The following PDE6A variants were observed in gnomAD, a reference collection of about 807,000 sequenced individuals.
PDE6A encodes the protein phosphodiesterase 6A.
A neutral mutation model predicts 106.3 loss-of-function variants in PDE6A; 84 were observed. The ratio of observed to expected loss-of-function variants is 0.79; its 90% CI spans 0.66 to 0.95. The LOEUF is 0.95. Among genes scored for constraint, PDE6A ranks in the 40% least tolerant of loss-of-function variants. PDE6A has a pLI of 0.00. For missense variants in PDE6A, 1,052 were observed against 1,084.9 expected (o/e 0.97, Z 0.43); for synonymous variants, 394 against 386.6 (o/e 1.02, Z -0.23).
intron 8 of PDE6A, among the ~76,000 whole-genome samples, chr5:149,900,058 G>A (rs975783782): frequency 7.2e-5 from 11 of 151,778 alleles, no homozygotes; most frequent in Admixed American, 2.0e-4. Context: ...TCAATTATAA[G>A]ATGCCTTTGG....
chr5:149,913,397 A>G (rs893170425), intron 6 of PDE6A, among the ~76,000 whole-genome samples: 5 of 151,348 alleles, frequency 3.3e-5, no homozygotes, highest in South Asian at 2.1e-4. Flanking sequence ...AAAAAAAAAA[A>G]AGAGAATAGA....
intron 1 of PDE6A, among the ~76,000 whole-genome samples, chr5:149,943,920 G>T (rs1457206802): frequency 6.6e-6 from 1 of 152,144 alleles, no homozygotes; most frequent in African/African-American, 2.4e-5. Context: ...TCCCAAATGG[G>T]TCAGAGAAAA....
rs1301955819 is a variant in PDE6A at position 149,869,802 on chromosome 5, G to A, written c.2136-1644C>T. Among the ~76,000 whole-genome samples the A allele has an allele frequency of 3.3e-5, 5 of 152,188 alleles. No homozygotes were observed. In the East Asian group the frequency reaches 9.6e-4, roughly 29 times the overall value. ...GGCAGGAGAGCTGGTCTGCAGCAAC[G>A]GCTGGCTGCGGCGGGGTGAGACCAA... On this transcript the variant is annotated intron_variant, in intron 17 of 21. Transcript: ENST00000255266.
chr5:149,882,472 A>G (rs531300655), intron 17 of PDE6A, among the ~76,000 whole-genome samples: 12 of 152,084 alleles, frequency 7.9e-5, no homozygotes, highest in Non-Finnish European at 1.0e-4. Flanking sequence ...GAGCCAGGGG[A>G]CCATTTGGCT....
chr5:149,884,667 A>G, intron 15 of PDE6A, 88 bp from the exon 16 acceptor site: 1 of 1,417,678 alleles, frequency 7.1e-7, no homozygotes, highest in Non-Finnish European at 1.0e-6. Flanking sequence ...AGATGATGGC[A>G]GAGGCAGCCC....
At chr5:149,866,495 C>A in intron 19 of PDE6A, 1 of 482,218 alleles carries the variant, frequency 2.1e-6, no homozygotes, top group Non-Finnish European at 3.8e-6. Context: ...AAATAAATGG[C>A]ATACCAGAAA....
intron 7 of PDE6A, among the ~76,000 whole-genome samples, chr5:149,904,225 C>A (rs10045805): frequency 6.6e-6 from 1 of 152,008 alleles, no homozygotes; most frequent in Non-Finnish European, 1.5e-5. Flanking sequence ...CCAGCCTGAG[C>A]GACAGAGTGA....
chr5:149,890,207 T>G (rs990142669), intron 13 of PDE6A, among the ~76,000 whole-genome samples: 1 of 152,050 alleles, frequency 6.6e-6, no homozygotes, highest in East Asian at 1.9e-4. Flanking sequence ...TCCACCTACC[T>G]CAGTCTCCCA....
intron 1 of PDE6A, among the ~76,000 whole-genome samples, chr5:149,941,246 G>C (rs570791089): frequency 1.3e-5 from 2 of 152,194 alleles, no homozygotes; most frequent in Non-Finnish European, 2.9e-5. Context: ...GGCAGACCTG[G>C]TCCCTGACCT....
chr5:149,926,316 T>C lies in PDE6A; in HGVS notation c.859-4607A>G, dbSNP rs77638065. On this transcript the variant is annotated intron_variant, in intron 4 of 21. Coordinates refer to ENST00000255266, the MANE Select transcript of PDE6A (RefSeq NM_000440.3). ...AATAGAGAATCCAGAAACAGACCCA[T>C]ACATATATGGACACTTGGTTGATAA... 2.5e-3 allele frequency among the ~76,000 whole-genome samples: 379 copies of C among 152,092 alleles called. 8 individuals are homozygous for C. In the East Asian group the frequency reaches 0.04, roughly 16 times the overall value.
intron 5 of PDE6A, among the ~76,000 whole-genome samples, chr5:149,918,794 T>TC (rs1319456412): frequency 1.3e-5 from 2 of 151,824 alleles, no homozygotes; most frequent in East Asian, 3.9e-4. Flanking sequence ...TTTTTTTCTT[T>TC]TTTTTTTAGT....
At chr5:149,929,726 C>T (rs1273935844) in intron 4 of PDE6A, among the ~76,000 whole-genome samples, 2 of 151,870 alleles carry the variant, frequency 1.3e-5, no homozygotes, top group African/African-American at 4.8e-5. Flanking sequence ...TGGTGTTAAA[C>T]GTCAGATGGT....
At position 149,895,250 on chromosome 5, in the gene PDE6A, C is replaced by T. The variant is rs775249202; in HGVS notation, c.1661G>A (p.Arg554His). The T allele has an allele frequency of 1.5e-5, 24 of 1,613,984 alleles. No individual in the cohort carries two copies. The highest frequency in any genetic ancestry group is 2.2e-5 in the East Asian group (1 of 44,878). The part of the protein sequence containing the change: ...RFMYSLSKGY[R>H]KITYHNWRHG... ...CCGCCAGTTGTGGTAGGTGATCTTG[C>T]GGTAGCCCTTACTCAGGGAGTACAT... Residue 554 changes from arginine to histidine, a missense_variant, in exon 13 of 22, where the codon CGC becomes CAC. Arg to His is a conservative substitution (Grantham distance 29, BLOSUM62 0). Around this residue, in one of 3 missense-constraint regions of PDE6A, gnomAD observed 913 missense variants for 915.2 expected, o/e 1.00. Coordinates refer to ENST00000255266, the MANE Select transcript of PDE6A (RefSeq NM_000440.3).
chr5:149,933,958 A>G lies in PDE6A; in HGVS notation c.689T>C (p.Leu230Pro). 6.2e-7 allele frequency: 1 copy of G among 1,613,846 alleles called. No individual in the cohort carries two copies. Among genetic ancestry groups the G allele is most frequent in the Non-Finnish European group, 8.5e-7 (1 of 1,179,720 alleles). Reference sequence around the variant, plus strand: ...GCCACGTCGAGTTTCACAGTTGTGCAGGTAACTCAGGTGGTACACCTTCAT... The same window carrying G: ...GCCACGTCGAGTTTCACAGTTGTGCGGGTAACTCAGGTGGTACACCTTCAT... The part of the protein sequence containing the change: ...LIMKVYHLSY[L>P]HNCETRRGQI... Residue 230 changes from leucine to proline, a missense_variant, in exon 3 of 22, where the codon CTG becomes CCG. Coordinates refer to ENST00000255266, the MANE Select transcript of PDE6A (RefSeq NM_000440.3).
In PDE6A at chr5:149,859,229, A is replaced by T. The variant is rs552752599; in HGVS notation, c.*1666T>A. Reference sequence around the variant, plus strand: ...ATTTATACTCTGTGAAATCAATGAAAAATCCAAGAATAAAAAGTACATCTT... The same window carrying T: ...ATTTATACTCTGTGAAATCAATGAATAATCCAAGAATAAAAAGTACATCTT... On this transcript the variant is annotated 3_prime_UTR_variant, in exon 22 of 22. Coordinates refer to ENST00000255266, the MANE Select transcript of PDE6A (RefSeq NM_000440.3). 4 of 152,380 alleles carry T rather than the reference A, an allele frequency of 2.6e-5. No homozygotes were observed. The highest frequency in any genetic ancestry group is 9.6e-5 in the African/African-American group (4 of 41,584). The allele number at this position is 152,380 out of a possible 1,614,324, so 9.4% of individuals were successfully genotyped here.
chr5:149,939,377 A>T (rs1754269447), intron 1 of PDE6A, among the ~76,000 whole-genome samples: 1 of 151,676 alleles, frequency 6.6e-6, no homozygotes, highest in Non-Finnish European at 1.5e-5. Flanking sequence ...ACACCAAGGT[A>T]TAGAGAAGCT....
At chr5:149,893,705 A>G (rs1185678608) in intron 13 of PDE6A, among the ~76,000 whole-genome samples, 1 of 152,204 alleles carries the variant, frequency 6.6e-6, no homozygotes, top group East Asian at 1.9e-4. Context: ...TTCAGGAGCT[A>G]TGCAGACTTA....
chr5:149,916,787 A>G (rs2113631912), intron 5 of PDE6A, among the ~76,000 whole-genome samples: 1 of 152,300 alleles, frequency 6.6e-6, no homozygotes, highest in South Asian at 2.1e-4. Flanking sequence ...CAGTGAACCA[A>G]AATCAGAACC....
intron 3 of PDE6A, 136 bp from the exon 4 acceptor site, chr5:149,931,304 A>G: frequency 1.2e-6 from 1 of 816,342 alleles, no homozygotes; most frequent in Admixed American, 2.1e-5. Context: ...AGAGAAATAG[A>G]CAGGTTAACT....
Sources: allele counts gnomAD v4.1 joint callset (sites outside exome capture counted in the v4.1 genomes callset), GRCh38; gene constraint gnomAD v4.1.1; regional missense constraint gnomAD v4.1.1; transcripts MANE v1.5; gene names NCBI Gene and HGNC (gene_info 2026-07-23, HGNC 2026-07-21).